Variants in TCEAL2 observed in about 807,000 individuals in gnomAD.
TCEAL2 encodes transcription elongation factor A protein-like 2.
For missense variants in TCEAL2, 169 were observed against 166.6 expected (o/e 1.01, Z -0.08); for synonymous variants, 65 against 57.9 (o/e 1.12, Z -0.55).
At position 102,126,959 on chromosome X, in the gene TCEAL2, C is replaced by A; in HGVS notation, c.129C>A (p.Asn43Lys). ...ACILEDKKLE[N>K]EGNTENTGKR... ...TTCTGGAAGACAAGAAGTTAGAAAA[C>A]GAGGGAAACACAGAAAACACGGGCA... Residue 43 changes from asparagine (N) to lysine (K), a missense_variant, in exon 3 of 3, where the codon AAC becomes AAA. Transcript: ENST00000372780. The A allele has an allele frequency of 8.3e-7, 1 of 1,211,372 alleles. No individual in the cohort carries two copies. Among genetic ancestry groups the A allele is most frequent in the South Asian group, 1.8e-5 (1 of 56,941 alleles).
intron 2 of TCEAL2, 68 bp downstream of exon 2, chrX:102,126,513 G>C (rs1216757917): frequency 2.7e-6 from 2 of 751,092 alleles, no homozygotes; most frequent in African/African-American, 4.2e-5. Flanking sequence ...GGCACAGTCA[G>C]GGCCGAATTG....
At chrX:102,125,886 G>C (rs1932888870) in intron 1 of TCEAL2, 80 bp downstream of exon 1, 1 of 107,787 alleles carries the variant, frequency 9.3e-6, no homozygotes, top group Admixed American at 9.7e-5. Context: ...GGAGGGGGCG[G>C]AGAAGGGATC....
In TCEAL2 at chrX:102,127,514, G is replaced by A. The variant is rs757412701; in HGVS notation, c.684G>A (p.Ter228=). The part of the protein sequence containing the change: ...RRDTEDIPYV[*] Reference sequence around the variant, plus strand: ...ACACTGAAGACATTCCTTATGTGTAGTGTCCCTGGCAGGCATTTGTCAGGC... The same window carrying A: ...ACACTGAAGACATTCCTTATGTGTAATGTCCCTGGCAGGCATTTGTCAGGC... Residue 228 remains the stop codon, a stop_retained_variant, in exon 3 of 3, where the codon TAG becomes TAA. Transcript: ENST00000372780. 8.6e-7 allele frequency: 1 copy of A among 1,161,508 alleles called. No individual in the cohort carries two copies. The highest frequency in any genetic ancestry group is 1.1e-6 in the Non-Finnish European group (1 of 875,174).
intron 2 of TCEAL2, 52 bp from the exon 3 acceptor site, chrX:102,126,752 A>G: frequency 9.4e-7 from 1 of 1,063,986 alleles, no homozygotes; most frequent in South Asian, 2.2e-5. Context: ...CCATGCCCTC[A>G]GTCTCCCATG....
At position 102,126,355 on chromosome X, in the gene TCEAL2, T is replaced by C; in HGVS notation, c.-100-18T>C. ...GCTAAGCGCGCAGCCCCTGCCCCTG[T>C]CTCCTGTCTGTCCGCAGGTCTGCGC... On this transcript the variant is annotated intron_variant, in intron 1 of 2. Transcript: ENST00000372780. 9.5e-7 allele frequency: 1 copy of C among 1,050,145 alleles called. No homozygotes were observed. Among genetic ancestry groups the C allele is most frequent in the Non-Finnish European group, 1.3e-6 (1 of 772,252 alleles). 86.5% of individuals were successfully genotyped at this position (1,050,145 alleles called of 1,213,427 possible).
In TCEAL2 at chrX:102,127,432, C is replaced by A. The variant is rs1602413919; in HGVS notation, c.602C>A (p.Pro201His). ...FLWMQRNLQD[P>H]FYPRGPREFR... ...TGGATGCAAAGAAATTTACAGGACC[C>A]CTTCTATCCTAGGGGTCCAAGGGAA... The change falls in exon 3 of 3, where the codon CCC becomes CAC. Residue 201 changes from proline (P) to histidine (H), a missense_variant. Pro to His is a moderately conservative substitution (Grantham distance 77). Transcript: ENST00000372780. 8.3e-7 allele frequency: 1 copy of A among 1,205,885 alleles called. No homozygotes were observed. The highest frequency in any genetic ancestry group is 1.8e-5 in the African/African-American group (1 of 56,793).
chrX:102,127,264 G>A lies in TCEAL2; in HGVS notation c.434G>A (p.Gly145Glu). Residue 145 changes from glycine to glutamate, a missense_variant, in exon 3 of 3, where the codon GGG (glycine) becomes GAG (glutamate). Transcript: ENST00000372780. ...AAAGCCAAAAGAAAAACCAACAAGG[G>A]GCTGGCTCAGTACCTCAAGCAATAT... ...PRKAKRKTNK[G>E]LAQYLKQYKE... The A allele has an allele frequency of 1.7e-6, 2 of 1,211,532 alleles. No individual in the cohort carries two copies. The highest frequency in any genetic ancestry group is 2.2e-6 in the Non-Finnish European group (2 of 895,496).
rs2147774317 is a variant in TCEAL2, at chrX:102,127,200, G to T, written c.370G>T (p.Ala124Ser). The stretch of plus-strand genomic sequence containing the variant: ...GGGAGAGCCAGAAAGTGAAACAAGG[G>T]CTGCAGGAAAGCGCCCAGCTGAGGA... The part of the protein sequence containing the change: ...SEGEPESETR[A>S]AGKRPAEDDI... Residue 124 changes from alanine (A) to serine (S), a missense_variant, in exon 3 of 3, where the codon GCT (alanine) becomes TCT (serine). Transcript: ENST00000372780. The T allele has an allele frequency of 8.3e-7, 1 of 1,211,109 alleles. No homozygotes were observed.
chrX:102,126,741 C>T, intron 2 of TCEAL2, 63 bp from the exon 3 acceptor site: 17 of 1,026,394 alleles, frequency 1.7e-5, no homozygotes, highest in Non-Finnish European at 2.0e-5. Flanking sequence ...TGCATTCCAC[C>T]CCATGCCCTC....
Position 102,125,747 on chromosome X carries a change from G to A in TCEAL2, c.-160G>A, listed in dbSNP as rs1239570857. On this transcript the variant is annotated 5_prime_UTR_variant, in exon 1 of 3. Transcript: ENST00000372780. ...TGTCTGAGCTGCCCAGGCGGCGGGGGAGCAGCGAGCGGGCTTCAGCGAGCC... is the reference window on the plus strand; with the variant it reads ...TGTCTGAGCTGCCCAGGCGGCGGGGAAGCAGCGAGCGGGCTTCAGCGAGCC... 1 of 111,999 alleles carries A rather than the reference G, an allele frequency of 8.9e-6. No individual in the cohort carries two copies. Among genetic ancestry groups the A allele is most frequent in the Admixed American group, 9.3e-5 (1 of 10,747 alleles). 9.2% of individuals were successfully genotyped at this position (111,999 alleles called of 1,213,427 possible). A position where few individuals can be genotyped will look rare whatever the true frequency, so the allele number is the denominator to read the frequency against.
chrX:102,127,147 C>G lies in TCEAL2; in HGVS notation c.317C>G (p.Pro106Arg). 2 of 1,207,956 alleles carry G rather than the reference C, an allele frequency of 1.7e-6. No homozygotes were observed. Among genetic ancestry groups the G allele is most frequent in the Non-Finnish European group, 2.2e-6 (2 of 893,120 alleles). Reference sequence around the variant, plus strand: ...GGAAGGGCAGAGGGTGAAGGAGAGCCAGACAGTGAAAGAGAGCCAGAGAGT... The same window carrying G: ...GGAAGGGCAGAGGGTGAAGGAGAGCGAGACAGTGAAAGAGAGCCAGAGAGT... ...RGGRAEGEGEPDSEREPESEG... is the reference protein window; with the variant it reads ...RGGRAEGEGERDSEREPESEG... Residue 106 changes from proline (P) to arginine (R), a missense_variant, in exon 3 of 3, where the codon CCA becomes CGA. Pro to Arg is a moderately radical substitution (Grantham distance 103). Coordinates refer to ENST00000372780, the MANE Select transcript of TCEAL2 (RefSeq NM_080390.4).
chrX:102,126,313 C>G, intron 1 of TCEAL2, 60 bp from the exon 2 acceptor site: 3 of 860,133 alleles, frequency 3.5e-6, no homozygotes, highest in Non-Finnish European at 4.9e-6. Context: ...GAAAGGGAAC[C>G]GAGTCCCTGT....
Position 102,126,872 on chromosome X carries a change from T to C in TCEAL2, c.42T>C (p.Asn14=), listed in dbSNP as rs147515083. The C allele has an allele frequency of 2.0e-4, 245 of 1,205,590 alleles. No individual in the cohort carries two copies. In the African/African-American group the frequency reaches 3.9e-3, roughly 19 times the overall value. ...LFNENEGMPS[N]QGKIDNEEQP... is the part of the protein sequence containing the mutation. ...ATGAAAATGAAGGAATGCCTTCGAATCAAGGAAAGATAGACAATGAAGAAC... is the reference window on the plus strand; with the variant it reads ...ATGAAAATGAAGGAATGCCTTCGAACCAAGGAAAGATAGACAATGAAGAAC... The change falls in exon 3 of 3, where the codon AAT becomes AAC. Residue 14 remains asparagine (N), a synonymous_variant. Coordinates refer to ENST00000372780, the MANE Select transcript of TCEAL2 (RefSeq NM_080390.4).
At position 102,127,502 on chromosome X, in the gene TCEAL2, T is replaced by C; in HGVS notation, c.672T>C (p.Ile224=). 1 of 1,171,321 alleles carries C rather than the reference T, an allele frequency of 8.5e-7. No individual in the cohort carries two copies. The highest frequency in any genetic ancestry group is 1.1e-6 in the Non-Finnish European group (1 of 879,980). The change falls in exon 3 of 3, where the codon ATT becomes ATC. Residue 224 remains isoleucine, a synonymous_variant. Coordinates refer to ENST00000372780, the MANE Select transcript of TCEAL2 (RefSeq NM_080390.4). ...CRAPRRDTED[I]PYV ...CCCCACGAAGGGACACTGAAGACATTCCTTATGTGTAGTGTCCCTGGCAGG... is the reference window on the plus strand; with the variant it reads ...CCCCACGAAGGGACACTGAAGACATCCCTTATGTGTAGTGTCCCTGGCAGG...
At position 102,127,519 on chromosome X, in the gene TCEAL2, C is replaced by A; in HGVS notation, c.*5C>A. ...GAAGACATTCCTTATGTGTAGTGTC[C>A]CTGGCAGGCATTTGTCAGGCCATAT... is the stretch of plus-strand genomic sequence containing the variant. On this transcript the variant is annotated 3_prime_UTR_variant, in exon 3 of 3. Transcript: ENST00000372780. The A allele has an allele frequency of 8.7e-7, 1 of 1,155,654 alleles. No homozygotes were observed. The highest frequency in any genetic ancestry group is 1.1e-6 in the Non-Finnish European group (1 of 872,496).
At position 102,127,001 on chromosome X, in the gene TCEAL2, G is replaced by A. The variant is rs761857628; in HGVS notation, c.171G>A (p.Pro57=). ...TENTGKRVEE[P]LKDKEKPESA... ...ACACGGGCAAGAGAGTTGAGGAACC[G>A]TTAAAGGATAAAGAAAAGCCAGAGA... Residue 57 remains proline, a synonymous_variant, in exon 3 of 3, where the codon CCG becomes CCA. Transcript: ENST00000372780. 4 of 1,210,702 alleles carry A rather than the reference G, an allele frequency of 3.3e-6. No individual in the cohort carries two copies. Among genetic ancestry groups the A allele is most frequent in the Non-Finnish European group, 4.5e-6 (4 of 894,953 alleles).
intron 1 of TCEAL2, 119 bp from the exon 2 acceptor site, chrX:102,126,254 C>CG (rs1443823677): frequency 3.2e-6 from 2 of 632,919 alleles, no homozygotes; most frequent in Non-Finnish European, 4.4e-6. Context: ...GGCTGGGGTG[C>CG]GGGGGAGGTA....
At position 102,126,375 on chromosome X, in the gene TCEAL2, CTGCGCGTCT is replaced by C; in HGVS notation, c.-97_-89del. 9.1e-7 allele frequency: 1 copy of C among 1,096,660 alleles called. No homozygotes were observed. Among genetic ancestry groups the C allele is most frequent in the Non-Finnish European group, 1.2e-6 (1 of 811,888 alleles). 90.4% of individuals were successfully genotyped at this position (1,096,660 alleles called of 1,213,427 possible). A position where few individuals can be genotyped will look rare whatever the true frequency, so the allele number is the denominator to read the frequency against. On this transcript the variant is annotated 5_prime_UTR_variant, in exon 2 of 3. Coordinates refer to ENST00000372780, the MANE Select transcript of TCEAL2 (RefSeq NM_080390.4). ...CCCTGTCTCCTGTCTGTCCGCAGGTCTGCGCGTCTGTTGTTCCCAGCGCTCTGAGAGGCC... is the reference window on the plus strand; with the variant it reads ...CCCTGTCTCCTGTCTGTCCGCAGGTCGTTGTTCCCAGCGCTCTGAGAGGCC...
At chrX:102,126,182 C>A in intron 1 of TCEAL2, 191 bp from the exon 2 acceptor site, 2 of 432,210 alleles carry the variant, frequency 4.6e-6, no homozygotes, top group Non-Finnish European at 7.4e-6. Context: ...AAGGGGGACA[C>A]AGAGACAAAC....
Sources: gnomAD v4.1 joint callset for allele counts on GRCh38, gnomAD v4.1.1 for gene constraint, MANE v1.5 for transcripts, NCBI Gene and HGNC (gene_info 2026-07-23, HGNC 2026-07-21) for gene names.